Variants in COLGALT2 observed in about 807,000 individuals in gnomAD.
COLGALT2 encodes procollagen galactosyltransferase 2.
COLGALT2 carries 49 observed loss-of-function variants against 73.4 expected under a neutral mutation model. The ratio of observed to expected loss-of-function variants is 0.67; its 90% CI spans 0.53 to 0.85. The LOEUF is 0.85. COLGALT2 is among the 40% of genes least tolerant of loss of function. The pLI is 0.00. For synonymous variants in COLGALT2, 295 were observed against 307.6 expected, an observed-to-expected ratio of 0.96 and a Z score of 0.43; for missense variants, 722 against 790.2, an observed-to-expected ratio of 0.91 and a Z score of 1.03.
chr1:183,940,504 A>T (rs1455897213), intron 11 of COLGALT2, 77 bp downstream of exon 11: 2 of 1,266,460 alleles, frequency 1.6e-6, no homozygotes, highest in Non-Finnish European at 2.3e-6. Flanking sequence ...GAAAATATCA[A>T]GTACTACCAG....
In COLGALT2 at chr1:183,938,913, T is replaced by A. The variant is rs1264414876; in HGVS notation, c.1729A>T (p.Ile577Phe). Residue 577 changes from isoleucine to phenylalanine, a missense_variant, in exon 12 of 12, where the codon ATC (isoleucine) becomes TTC (phenylalanine). Ile to Phe is a conservative substitution (Grantham distance 21). Transcript: ENST00000361927. ...GTGGCCACTGTCTCATTGTCCCAGA[T>A]GGTGGAGGTCTCCGTGTCACTCAGG... is the stretch of plus-strand genomic sequence containing the variant. ...GYLSDTETSTIWDNETVATDW... is the reference protein window; with the variant it reads ...GYLSDTETSTFWDNETVATDW... The A allele has an allele frequency of 1.9e-6, 3 of 1,614,164 alleles. No individual in the cohort carries two copies. In the South Asian group the frequency reaches 3.3e-5, roughly 18 times the overall value.
intron 2 of COLGALT2, among the ~76,000 whole-genome samples, chr1:183,976,178 C>G (rs1671184582): frequency 6.6e-6 from 1 of 151,812 alleles, no homozygotes; most frequent in Non-Finnish European, 1.5e-5. Context: ...AGAACATTAC[C>G]AAGGTGCAAA....
chr1:184,010,839 A>G (rs78627665), intron 1 of COLGALT2, among the ~76,000 whole-genome samples: 2 of 152,312 alleles, frequency 1.3e-5, no homozygotes, highest in African/African-American at 2.4e-5. Flanking sequence ...AACGGCATCA[A>G]TGGAATCTCC....
intron 5 of COLGALT2, among the ~76,000 whole-genome samples, chr1:183,966,003 C>T (rs74415181): frequency 0.013 from 1,963 of 152,210 alleles, 57 homozygotes; most frequent in African/African-American, 0.045. Flanking sequence ...ATAATGCCCA[C>T]GGTGAAGCCA....
intron 1 of COLGALT2, among the ~76,000 whole-genome samples, chr1:184,031,607 G>A (rs1049034693): frequency 1.1e-4 from 16 of 152,182 alleles, no homozygotes; most frequent in Non-Finnish European, 1.6e-4. Flanking sequence ...ATCTGTACTC[G>A]GTCTGCAACA....
At chr1:184,015,440 T>C (rs1449155838) in intron 1 of COLGALT2, among the ~76,000 whole-genome samples, 1 of 152,200 alleles carries the variant, frequency 6.6e-6, no homozygotes, top group Non-Finnish European at 1.5e-5. Context: ...TTTGTGATGC[T>C]GGGCTTCCCA....
At chr1:184,004,938 T>A (rs1272463051) in intron 1 of COLGALT2, among the ~76,000 whole-genome samples, 1 of 152,192 alleles carries the variant, frequency 6.6e-6, no homozygotes, top group Non-Finnish European at 1.5e-5. Flanking sequence ...CTTCCTCATA[T>A]CATGAAGTTT....
chr1:184,025,532 C>T (rs1649307356), intron 1 of COLGALT2, among the ~76,000 whole-genome samples: 1 of 152,198 alleles, frequency 6.6e-6, no homozygotes, highest in Admixed American at 6.5e-5. Flanking sequence ...ATATATGCAG[C>T]TCCCTTAGTC....
chr1:184,018,164 C>T (rs1375870250), intron 1 of COLGALT2, among the ~76,000 whole-genome samples: 1 of 152,000 alleles, frequency 6.6e-6, no homozygotes, highest in Non-Finnish European at 1.5e-5. Flanking sequence ...TTGAAAACAA[C>T]AAAACTACTT....
chr1:183,946,924 G>T (rs1418326134), intron 8 of COLGALT2, among the ~76,000 whole-genome samples: 4 of 152,122 alleles, frequency 2.6e-5, no homozygotes, highest in Non-Finnish European at 5.9e-5. Flanking sequence ...CCAGCTACTT[G>T]GGAGGCTGAG....
At chr1:184,034,584 T>C (rs2102865038) in intron 1 of COLGALT2, among the ~76,000 whole-genome samples, 2 of 152,324 alleles carry the variant, frequency 1.3e-5, no homozygotes, top group South Asian at 4.1e-4. Flanking sequence ...ATCTGGCTGG[T>C]TCTTATTTTA....
chr1:184,002,711 G>T (rs1327535624), intron 1 of COLGALT2, among the ~76,000 whole-genome samples: 2 of 152,106 alleles, frequency 1.3e-5, no homozygotes, highest in African/African-American at 4.8e-5. Flanking sequence ...CTTAGGTCTG[G>T]ATTCTTATTC....
intron 4 of COLGALT2, 26 bp downstream of exon 4, chr1:183,973,590 T>C: frequency 6.2e-7 from 1 of 1,613,558 alleles, no homozygotes; most frequent in Non-Finnish European, 8.5e-7. Flanking sequence ...ACTAGTAGCC[T>C]TAATTCATTT....
intron 1 of COLGALT2, among the ~76,000 whole-genome samples, chr1:184,001,285 A>G (rs1360572931): frequency 6.6e-6 from 1 of 152,132 alleles, no homozygotes; most frequent in Non-Finnish European, 1.5e-5. Context: ...AATATTTTTC[A>G]GCTTAACTAT....
At chr1:184,022,180 C>T (rs1649199327) in intron 1 of COLGALT2, among the ~76,000 whole-genome samples, 1 of 152,214 alleles carries the variant, frequency 6.6e-6, no homozygotes, top group Non-Finnish European at 1.5e-5. Context: ...AGAACACCTT[C>T]TCCCAATTAT....
chr1:184,006,531 C>T (rs1672088634), intron 1 of COLGALT2, among the ~76,000 whole-genome samples: 1 of 151,828 alleles, frequency 6.6e-6, no homozygotes, highest in African/African-American at 2.4e-5. Context: ...TTATGGTGAG[C>T]CGAGATCATG....
chr1:184,037,214 C>T lies in COLGALT2; in HGVS notation c.144G>A (p.Ser48=). Residue 48 remains serine, a synonymous_variant, in exon 1 of 12, where the codon TCG becomes TCA. Coordinates refer to ENST00000361927, the MANE Select transcript of COLGALT2 (RefSeq NM_015101.4). The part of the protein sequence containing the change: ...DGEEPVVFPE[S]PLQSPTVLVA... ...CGAGCACCGTGGGGCTCTGCAGGGGCGACTCCGGGAAAACCACCGGCTCCT... is the reference window on the plus strand; with the variant it reads ...CGAGCACCGTGGGGCTCTGCAGGGGTGACTCCGGGAAAACCACCGGCTCCT... 6.2e-7 allele frequency: 1 copy of T among 1,602,354 alleles called. No individual in the cohort carries two copies. The highest frequency in any genetic ancestry group is 1.3e-5 in the African/African-American group (1 of 74,494).
intron 7 of COLGALT2, among the ~76,000 whole-genome samples, chr1:183,954,514 C>T (rs1670500340): frequency 6.6e-6 from 1 of 152,234 alleles, no homozygotes; most frequent in East Asian, 1.9e-4. Context: ...ATCAAATTCA[C>T]TTTCATTACT....
In COLGALT2 at chr1:183,936,260, T is replaced by TAGGACAAATAATGAGGTCAAGGAA. The variant is rs1214728023; in HGVS notation, c.*2477_*2500dup. ...TTGGCTTAGGACTATAAGGGAGAGA[T>TAGGACAAATAATGAGGTCAAGGAA]AGGACAAATAATGAGGTCAAGGAAC... On this transcript the variant is annotated 3_prime_UTR_variant, in exon 12 of 12. Transcript: ENST00000361927. 2 of 985,340 alleles carry TAGGACAAATAATGAGGTCAAGGAA rather than the reference T, an allele frequency of 2.0e-6. No homozygotes were observed. The highest frequency in any genetic ancestry group is 3.5e-5 in the African/African-American group (2 of 57,122). 61.0% of individuals were successfully genotyped at this position (985,340 alleles called of 1,614,324 possible). A position where few individuals can be genotyped will look rare whatever the true frequency, so the allele number is the denominator to read the frequency against.
Sources: allele counts gnomAD v4.1 joint callset (sites outside exome capture counted in the v4.1 genomes callset), GRCh38; gene constraint gnomAD v4.1.1; transcripts MANE v1.5; gene names NCBI Gene and HGNC (gene_info 2026-07-23, HGNC 2026-07-21).